Variants in DMD observed in about 807,000 individuals in gnomAD.
DMD encodes mutant dystrophin.
In DMD, 63 loss-of-function variants were observed where a neutral mutation model predicts 330.1. That is an observed-to-expected ratio of 0.19 (90% CI 0.16 to 0.24). DMD has a LOEUF of 0.24. Among genes scored for constraint, DMD ranks in the 10% least tolerant of loss-of-function variants. The probability of loss-of-function intolerance (pLI) is 1.00; values close to 1 mark genes in which losing one functional copy is unlikely to be tolerated. For missense variants in DMD, 3,344 were observed against 2,684.1 expected, an observed-to-expected ratio of 1.25 and a Z score of -5.43; for synonymous variants, 1,223 against 959.8, an observed-to-expected ratio of 1.27 and a Z score of -5.07.
At chrX:33,028,415 A>G (rs1188911598) in intron 1 of DMD, among the ~76,000 whole-genome samples, 1 of 112,141 alleles carries the variant, frequency 8.9e-6, no homozygotes, top group Non-Finnish European at 1.9e-5. Context: ...AGGCTAGATT[A>G]TTCAGAATGG....
At chrX:31,840,570 T>TTA (rs2093298773) in intron 48 of DMD, among the ~76,000 whole-genome samples, 1 of 105,966 alleles carries the variant, frequency 9.4e-6, no homozygotes, top group South Asian at 4.4e-4. Flanking sequence ...TTTTTTTTTT[T>TTA]ACAAACTGAA....
intron 41 of DMD, among the ~76,000 whole-genome samples, chrX:32,338,956 T>C (rs2097728310): frequency 8.9e-6 from 1 of 112,338 alleles, no homozygotes; most frequent in Non-Finnish European, 1.9e-5. Flanking sequence ...GTTGTTAACA[T>C]TTTAAACAAA....
At chrX:32,224,923 T>C (rs1025109022) in intron 43 of DMD, among the ~76,000 whole-genome samples, 6 of 111,846 alleles carry the variant, frequency 5.4e-5, no homozygotes, top group South Asian at 3.7e-4. Flanking sequence ...ACTTCACTTA[T>C]TGCATTCTGA....
chrX:32,934,527 A>G (rs549044904), intron 2 of DMD, among the ~76,000 whole-genome samples: 1 of 111,523 alleles, frequency 9.0e-6, no homozygotes, highest in African/African-American at 3.3e-5. Context: ...TTTTAAATTT[A>G]AAAATAGAAA....
intron 16 of DMD, among the ~76,000 whole-genome samples, chrX:32,557,059 T>A (rs1040069623): frequency 7.1e-5 from 8 of 111,914 alleles, no homozygotes; most frequent in African/African-American, 2.3e-4. Flanking sequence ...CTTGCTATGT[T>A]GTAAAGCTTT....
chrX:32,215,214 A>G (rs1466154854), intron 44 of DMD, among the ~76,000 whole-genome samples: 2 of 111,682 alleles, frequency 1.8e-5, no homozygotes, highest in Non-Finnish European at 3.8e-5. Context: ...CAGACAATGA[A>G]CATAACATCA....
intron 21 of DMD, among the ~76,000 whole-genome samples, chrX:32,480,380 G>A (rs1271311560): frequency 9.3e-6 from 1 of 108,103 alleles, no homozygotes; most frequent in Non-Finnish European, 1.9e-5. Flanking sequence ...ATAAATGTGT[G>A]TGTGTGTGTG....
intron 63 of DMD, among the ~76,000 whole-genome samples, chrX:31,227,123 C>T (rs776198637): frequency 1.8e-5 from 2 of 111,092 alleles, no homozygotes; most frequent in African/African-American, 6.5e-5. Flanking sequence ...CAAAGAACGA[C>T]GATTCCTCTC....
chrX:33,072,625 G>C (rs1015520574), intron 1 of DMD, among the ~76,000 whole-genome samples: 1 of 111,507 alleles, frequency 9.0e-6, no homozygotes, highest in Non-Finnish European at 1.9e-5. Context: ...GTGGAATCTA[G>C]CTGTGGAATA....
intron 19 of DMD, among the ~76,000 whole-genome samples, chrX:32,493,562 A>G (rs987903168): frequency 4.5e-5 from 5 of 111,744 alleles, no homozygotes; most frequent in African/African-American, 1.6e-4. Flanking sequence ...AGTGATCAAA[A>G]ATTGTACCAA....
intron 74 of DMD, among the ~76,000 whole-genome samples, chrX:31,154,142 T>C (rs147081389): frequency 0.012 from 1,330 of 111,737 alleles, 14 homozygotes; most frequent in African/African-American, 0.041. Context: ...AATTTTCTTA[T>C]ATTTAAAAAC....
intron 33 of DMD, among the ~76,000 whole-genome samples, chrX:32,382,955 G>T (rs1265043791): frequency 9.0e-6 from 1 of 110,764 alleles, no homozygotes; most frequent in Non-Finnish European, 1.9e-5. Flanking sequence ...AATGCCACCT[G>T]CAGTAAAATG....
intron 7 of DMD, among the ~76,000 whole-genome samples, chrX:32,800,401 A>G (rs1314090650): frequency 9.0e-6 from 1 of 111,328 alleles, no homozygotes; most frequent in African/African-American, 3.3e-5. Context: ...TTTTTCTTTG[A>G]ATCATCATTG....
At chrX:31,845,374 A>AGT (rs1280397322) in intron 48 of DMD, among the ~76,000 whole-genome samples, 2 of 47,777 alleles carry the variant, frequency 4.2e-5, no homozygotes, top group Non-Finnish European at 8.8e-5. Context: ...GACAGAATAA[A>AGT]GTCTCTCTCT....
At chrX:33,160,268 A>G (rs1466197652) in intron 1 of DMD, among the ~76,000 whole-genome samples, 2 of 111,881 alleles carry the variant, frequency 1.8e-5, no homozygotes, top group East Asian at 5.6e-4. Context: ...TTATTGGAAC[A>G]TAACCCCACT....
chrX:31,199,687 A>C (rs2043245774), intron 67 of DMD, among the ~76,000 whole-genome samples: 1 of 111,913 alleles, frequency 8.9e-6, no homozygotes, highest in African/African-American at 3.3e-5. Flanking sequence ...TACCTTTCTA[A>C]CTGTACCAAC....
At chrX:31,807,373 A>G (rs1267109578) in intron 50 of DMD, among the ~76,000 whole-genome samples, 1 of 111,231 alleles carries the variant, frequency 9.0e-6, no homozygotes, top group African/African-American at 3.3e-5. Flanking sequence ...TACCCTATAG[A>G]TTTTCCAGAT....
At chrX:33,334,156 T>C (rs1035724949) in intron 1 of DMD, among the ~76,000 whole-genome samples, 1 of 111,731 alleles carries the variant, frequency 9.0e-6, no homozygotes, top group Non-Finnish European at 1.9e-5. Flanking sequence ...TATAAGTCAA[T>C]GATTGCAGAG....
chrX:32,039,706 T>A (rs1262192941), intron 44 of DMD, among the ~76,000 whole-genome samples: 2 of 111,989 alleles, frequency 1.8e-5, no homozygotes, highest in African/African-American at 6.5e-5. Context: ...TTACTTAGAG[T>A]GAGGGTCTCA....
Sources: gnomAD v4.1 joint callset for allele counts (sites outside exome capture counted in the v4.1 genomes callset) on GRCh38, gnomAD v4.1.1 for gene constraint, MANE v1.5 for transcripts, NCBI Gene and HGNC (gene_info 2026-07-23, HGNC 2026-07-21) for gene names.